IL1R2: variants seen among roughly 807,000 people sequenced by gnomAD.
The protein encoded by IL1R2 is interleukin-1 receptor type 2.
In IL1R2, 46 loss-of-function variants were observed where a neutral mutation model predicts 39.5. The ratio of observed to expected loss-of-function variants is 1.16; its 90% CI spans 0.92 to 1.49. IL1R2 has a LOEUF of 1.49. IL1R2 is among the 40% of genes most tolerant of loss of function. The pLI, the probability that IL1R2 is intolerant of heterozygous loss-of-function variation, is 0.00. For synonymous variants in IL1R2, 207 were observed against 189.6 expected (o/e 1.09, Z -0.75); for missense variants, 537 against 502.0 (o/e 1.07, Z -0.67).
At chr2:102,019,511 G>T (rs906847820) in intron 4 of IL1R2, 127 bp from the exon 5 acceptor site, 5 of 676,326 alleles carry the variant, frequency 7.4e-6, no homozygotes, top group Non-Finnish European at 7.5e-6. Flanking sequence ...GTACAAAATT[G>T]GCAAAGTAAA....
chr2:102,028,420 C>G lies in IL1R2; in HGVS notation c.*28C>G, dbSNP rs1251994430. ...TAAATGGAATGAAATAATTCAAACACAAACTCCGTACGTCTTCTCTTATGG... is the reference window on the plus strand; with the variant it reads ...TAAATGGAATGAAATAATTCAAACAGAAACTCCGTACGTCTTCTCTTATGG... On this transcript the variant is annotated 3_prime_UTR_variant, in exon 9 of 9. Coordinates refer to ENST00000332549, the MANE Select transcript of IL1R2 (RefSeq NM_004633.4). The G allele has an allele frequency of 1.3e-6, 2 of 1,549,344 alleles. No individual in the cohort carries two copies. The highest frequency in any genetic ancestry group is 1.8e-5 in the Admixed American group (1 of 54,854).
chr2:102,004,422 T>G (rs2150426653), intron 1 of IL1R2, among the ~76,000 whole-genome samples: 1 of 151,484 alleles, frequency 6.6e-6, no homozygotes, highest in South Asian at 2.1e-4. Context: ...CTTTTTCTTA[T>G]GCCTGGTCCT....
chr2:101,999,666 T>C (rs2310169), intron 1 of IL1R2, among the ~76,000 whole-genome samples: 14,906 of 152,282 alleles, frequency 0.098, 981 homozygotes, highest in South Asian at 0.26. Flanking sequence ...AAACTGTGAC[T>C]CAGAGATTGA....
rs1201492056 is a variant in IL1R2 at position 102,021,547 on chromosome 2, C to T, written c.689-640C>T. Among the ~76,000 whole-genome samples, 5 of 152,328 alleles carry T rather than the reference C, an allele frequency of 3.3e-5. No homozygotes were observed. In the South Asian group the frequency reaches 6.2e-4, roughly 19 times the overall value. On this transcript the variant is annotated intron_variant, in intron 5 of 8. Coordinates refer to ENST00000332549, the MANE Select transcript of IL1R2 (RefSeq NM_004633.4). ...GTCAGGCTGGTCTCGAACTCCTGAC[C>T]TGTTGATCCACCTGCCTCGGCCTCC...
At chr2:101,995,346 G>C (rs1577673190) in intron 1 of IL1R2, among the ~76,000 whole-genome samples, 1 of 151,848 alleles carries the variant, frequency 6.6e-6, no homozygotes, top group South Asian at 2.1e-4. Context: ...GGTGTAGAGA[G>C]GACCTCAGGG....
At chr2:102,021,427 T>C (rs1468249694) in intron 5 of IL1R2, among the ~76,000 whole-genome samples, 2 of 151,370 alleles carry the variant, frequency 1.3e-5, no homozygotes, top group African/African-American at 4.9e-5. Flanking sequence ...GCGATTATCC[T>C]GTCTCAGCCT....
chr2:102,006,084 A>T (rs998292652), intron 1 of IL1R2, among the ~76,000 whole-genome samples: 4 of 152,230 alleles, frequency 2.6e-5, no homozygotes, highest in Non-Finnish European at 4.4e-5. Context: ...CTAAAACACC[A>T]GCTTTGACTT....
rs140870667 is a variant in IL1R2 at position 101,999,337 on chromosome 2, G to A, written c.-62+7326G>A. Among the ~76,000 whole-genome samples, 316 of 152,324 alleles carry A rather than the reference G, an allele frequency of 2.1e-3. 1 individual carries two copies. The highest frequency in any genetic ancestry group is 7.0e-3 in the African/African-American group (292 of 41,570). On this transcript the variant is annotated intron_variant, in intron 1 of 8. Coordinates refer to ENST00000332549, the MANE Select transcript of IL1R2 (RefSeq NM_004633.4). Reference sequence around the variant, plus strand: ...GGTGTATGTCTGTTAACAACCAACCGCTGCTCTAATGCCAGAGCTTCCAGT... The same window carrying A: ...GGTGTATGTCTGTTAACAACCAACCACTGCTCTAATGCCAGAGCTTCCAGT...
chr2:102,013,524 CAAAAAAA>C (rs771727938), intron 3 of IL1R2, among the ~76,000 whole-genome samples: 6 of 5,688 alleles, frequency 1.1e-3, no homozygotes, highest in Non-Finnish European at 1.8e-3. Flanking sequence ...TCTATCACTG[CAAAAAAA>C]AAAAAAAAAA....
chr2:102,023,974 G>A (rs902923798), intron 6 of IL1R2, among the ~76,000 whole-genome samples: 3 of 152,008 alleles, frequency 2.0e-5, no homozygotes, highest in African/African-American at 7.3e-5. Context: ...GCGTGAACCG[G>A]GGAGGCGGAG....
At chr2:102,018,579 A>G (rs1181275663) in intron 4 of IL1R2, among the ~76,000 whole-genome samples, 2 of 152,192 alleles carry the variant, frequency 1.3e-5, no homozygotes, top group African/African-American at 2.4e-5. Context: ...TTCCCTTCAT[A>G]ATAATGATAC....
In IL1R2 at chr2:102,008,532, C is replaced by A. The variant is rs200366216; in HGVS notation, c.-44C>A. The A allele has an allele frequency of 1.8e-3, 2,771 of 1,536,132 alleles. 6 individuals are homozygous for A. The highest frequency in any genetic ancestry group is 6.6e-3 in the Middle Eastern group (38 of 5,722). On this transcript the variant is annotated 5_prime_UTR_variant, in exon 2 of 9. Transcript: ENST00000332549. Reference sequence around the variant, plus strand: ...TCCCCTAGGCCACGTGCTGCTGGGTCTCAGTCCTCCACTTCCCGTGTCCTC... The same window carrying A: ...TCCCCTAGGCCACGTGCTGCTGGGTATCAGTCCTCCACTTCCCGTGTCCTC...
At chr2:102,015,190 T>G (rs3218896) in intron 3 of IL1R2, among the ~76,000 whole-genome samples, 1 of 152,084 alleles carries the variant, frequency 6.6e-6, no homozygotes, top group Non-Finnish European at 1.5e-5. Context: ...TCCTGGATCA[T>G]GAAGTTGGAG....
chr2:102,012,265 A>G (rs1437514845), intron 3 of IL1R2, among the ~76,000 whole-genome samples: 2 of 152,122 alleles, frequency 1.3e-5, no homozygotes, highest in African/African-American at 4.8e-5. Context: ...CTCTCTCTTC[A>G]GCTGCTTCTT....
At chr2:101,997,063 G>A (rs1675626174) in intron 1 of IL1R2, among the ~76,000 whole-genome samples, 1 of 152,172 alleles carries the variant, frequency 6.6e-6, no homozygotes, top group Non-Finnish European at 1.5e-5. Context: ...AGAAGAGGGG[G>A]ACATTGTGTC....
At chr2:102,005,763 G>A (rs1280008129) in intron 1 of IL1R2, among the ~76,000 whole-genome samples, 1 of 152,208 alleles carries the variant, frequency 6.6e-6, no homozygotes, top group Admixed American at 6.5e-5. Context: ...TGTATAGAGG[G>A]CCATGTGCCC....
At chr2:102,009,883 G>A (rs1352597849) in intron 3 of IL1R2, 57 bp downstream of exon 3, 2 of 1,570,778 alleles carry the variant, frequency 1.3e-6, no homozygotes, top group East Asian at 2.2e-5. Flanking sequence ...AGGCTTGTGA[G>A]GGTCTTCAGT....
intron 4 of IL1R2, among the ~76,000 whole-genome samples, chr2:102,018,607 C>G (rs1677155046): frequency 6.6e-6 from 1 of 152,196 alleles, no homozygotes; most frequent in African/African-American, 2.4e-5. Context: ...TGCGCATGTA[C>G]TATATCCAAG....
intron 8 of IL1R2, among the ~76,000 whole-genome samples, chr2:102,027,147 C>A (rs187972006): frequency 1.1e-4 from 16 of 152,324 alleles, no homozygotes; most frequent in Middle Eastern, 3.4e-3. Context: ...TACTCCAGAT[C>A]CACCCTGTCA....
Sources: allele counts gnomAD v4.1 joint callset (sites outside exome capture counted in the v4.1 genomes callset), GRCh38; gene constraint gnomAD v4.1.1; transcripts MANE v1.5; gene names NCBI Gene and HGNC (gene_info 2026-07-23, HGNC 2026-07-21).